The following SLC24A3 variants were observed in gnomAD, a reference collection of about 807,000 sequenced individuals.
The protein encoded by SLC24A3 is solute carrier family 24 member 3.
A neutral mutation model predicts 75.8 loss-of-function variants in SLC24A3; 28 were observed. That is an observed-to-expected ratio of 0.37 (90% CI 0.27 to 0.51). SLC24A3 has a LOEUF of 0.51. Ranked by LOEUF, SLC24A3 falls within the 20% of genes least tolerant of loss-of-function variation. The pLI, the probability that SLC24A3 is intolerant of heterozygous loss-of-function variation, is 0.94. For synonymous variants in SLC24A3, 372 were observed against 334.1 expected (o/e 1.11, Z -1.24); for missense variants, 663 against 847.8 (o/e 0.78, Z 2.71).
intron 2 of SLC24A3, among the ~76,000 whole-genome samples, chr20:19,350,422 A>G (rs888620437): frequency 1.3e-5 from 2 of 152,092 alleles, no homozygotes; most frequent in Middle Eastern, 3.4e-3. Context: ...TTTTTGTGCT[A>G]TTGCATTTAG....
intron 3 of SLC24A3, among the ~76,000 whole-genome samples, chr20:19,526,084 C>A (rs960799876): frequency 6.6e-6 from 1 of 152,156 alleles, no homozygotes; most frequent in Admixed American, 6.5e-5. Flanking sequence ...TGTGTCACCC[C>A]ACTGCCAGTC....
intron 2 of SLC24A3, among the ~76,000 whole-genome samples, chr20:19,464,390 TAC>T (rs530091123): frequency 0.03 from 3,678 of 122,240 alleles, 142 homozygotes; most frequent in African/African-American, 0.097. Flanking sequence ...CACACGTGTG[TAC>T]ACACACACAC....
At chr20:19,430,172 C>T (rs1170470616) in intron 2 of SLC24A3, among the ~76,000 whole-genome samples, 1 of 152,120 alleles carries the variant, frequency 6.6e-6, no homozygotes, top group African/African-American at 2.4e-5. Context: ...GGGGTAAAGG[C>T]CACCTTTAGG....
At chr20:19,297,839 G>A (rs1029874084) in intron 2 of SLC24A3, among the ~76,000 whole-genome samples, 3 of 152,234 alleles carry the variant, frequency 2.0e-5, no homozygotes, top group African/African-American at 7.2e-5. Context: ...ACAAGGGCCA[G>A]TTATCCCTAA....
chr20:19,263,033 T>TGTGTG (rs367686088), intron 1 of SLC24A3, among the ~76,000 whole-genome samples: 1 of 143,140 alleles, frequency 7.0e-6, no homozygotes, highest in Admixed American at 7.0e-5. Flanking sequence ...ACTCCAGCCT[T>TGTGTG]TGTGTGTGTG....
intron 9 of SLC24A3, among the ~76,000 whole-genome samples, chr20:19,677,158 C>T (rs948300860): frequency 6.6e-6 from 1 of 152,048 alleles, no homozygotes; most frequent in Non-Finnish European, 1.5e-5. Flanking sequence ...TGCTTTTGTA[C>T]TTTAAAAGCA....
At chr20:19,401,215 C>G (rs113997743) in intron 2 of SLC24A3, among the ~76,000 whole-genome samples, 211 of 152,292 alleles carry the variant, frequency 1.4e-3, no homozygotes, top group African/African-American at 4.8e-3. Context: ...CCTCTGAGGT[C>G]AGACAGTGGC....
intron 1 of SLC24A3, among the ~76,000 whole-genome samples, chr20:19,226,127 G>A (rs1005534564): frequency 2.6e-5 from 4 of 152,138 alleles, no homozygotes; most frequent in African/African-American, 9.7e-5. Context: ...TTTTTATCAA[G>A]GGTGGATATT....
At chr20:19,475,229 C>T (rs1987942917) in intron 2 of SLC24A3, among the ~76,000 whole-genome samples, 1 of 151,978 alleles carries the variant, frequency 6.6e-6, no homozygotes, top group Admixed American at 6.6e-5. Flanking sequence ...GTCACAGCTA[C>T]TCGGGAGGCT....
intron 1 of SLC24A3, among the ~76,000 whole-genome samples, chr20:19,249,034 G>T (rs1050218181): frequency 3.3e-5 from 5 of 151,730 alleles, no homozygotes; most frequent in African/African-American, 1.2e-4. Flanking sequence ...GCTTCAGTTG[G>T]ACAGGAGGAT....
intron 2 of SLC24A3, among the ~76,000 whole-genome samples, chr20:19,447,950 A>G (rs1535023): frequency 0.94 from 143,423 of 152,338 alleles, 67,611 homozygotes; most frequent in East Asian, 1. Flanking sequence ...GTAGGGTTGG[A>G]AGGCAGGGAC....
chr20:19,314,075 A>G (rs16980351), intron 2 of SLC24A3, among the ~76,000 whole-genome samples: 16,009 of 152,090 alleles, frequency 0.11, 2,738 homozygotes, highest in African/African-American at 0.36. Flanking sequence ...GCTCATGTTT[A>G]CAGAACCCAG....
chr20:19,532,644 T>C (rs554357505), intron 3 of SLC24A3, among the ~76,000 whole-genome samples: 4 of 152,322 alleles, frequency 2.6e-5, no homozygotes, highest in African/African-American at 9.6e-5. Flanking sequence ...GGGAGCTCAG[T>C]GGTAGGTGAC....
intron 2 of SLC24A3, among the ~76,000 whole-genome samples, chr20:19,405,432 G>T (rs996521662): frequency 6.6e-6 from 1 of 152,152 alleles, no homozygotes; most frequent in African/African-American, 2.4e-5. Flanking sequence ...ACAAAATGTT[G>T]GTGCGCCTTC....
At chr20:19,636,508 A>G (rs577305122) in intron 6 of SLC24A3, among the ~76,000 whole-genome samples, 2 of 152,334 alleles carry the variant, frequency 1.3e-5, no homozygotes, top group East Asian at 1.9e-4. Flanking sequence ...ACAAGGTTCA[A>G]TATTGCAGAG....
intron 3 of SLC24A3, among the ~76,000 whole-genome samples, chr20:19,543,769 G>T (rs1450273603): frequency 6.6e-6 from 1 of 152,226 alleles, no homozygotes; most frequent in Non-Finnish European, 1.5e-5. Flanking sequence ...GTTTCTTAAA[G>T]GTGGTGGTAC....
At chr20:19,323,224 AAAG>A (rs1205167770) in intron 2 of SLC24A3, among the ~76,000 whole-genome samples, 1 of 151,416 alleles carries the variant, frequency 6.6e-6, no homozygotes, top group South Asian at 2.1e-4. Flanking sequence ...AAAAAAAAAA[AAAG>A]AAGAAGAAAT....
intron 1 of SLC24A3, among the ~76,000 whole-genome samples, chr20:19,221,493 C>G (rs1210096193): frequency 6.6e-6 from 1 of 152,166 alleles, no homozygotes; most frequent in Non-Finnish European, 1.5e-5. Flanking sequence ...TTGAGGGTCA[C>G]AGCCTCCAGG....
chr20:19,704,170 G>A lies in SLC24A3; in HGVS notation c.1719+5490G>A, dbSNP rs192772251. ...GGATGGATGGATGGATGGATGGAGA[G>A]ATGGATGGATGGATGGAGAGATGGA... is the stretch of plus-strand genomic sequence containing the variant. On this transcript the variant is annotated intron_variant, in intron 15 of 16. Coordinates refer to ENST00000328041, the MANE Select transcript of SLC24A3 (RefSeq NM_020689.4). Among the ~76,000 whole-genome samples the A allele has an allele frequency of 8.3e-5, 8 of 96,426 alleles. No homozygotes were observed. The East Asian group carries it at 2.9e-3, about 35-fold the overall frequency. 63.3% of individuals were successfully genotyped at this position (96,426 alleles called of 152,430 possible).
Sources: allele counts gnomAD v4.1 joint callset (sites outside exome capture counted in the v4.1 genomes callset), GRCh38; gene constraint gnomAD v4.1.1; transcripts MANE v1.5; gene names NCBI Gene and HGNC (gene_info 2026-07-23, HGNC 2026-07-21).